The following TIMP3 variants were observed in gnomAD, a reference collection of about 807,000 sequenced individuals.
TIMP3 encodes the protein TIMP metallopeptidase inhibitor 3.
Under a neutral mutation model 30.0 loss-of-function variants are expected in TIMP3, and 11 were observed. The observed-to-expected ratio is 0.37, with a 90% CI of 0.23 to 0.61. The LOEUF (loss-of-function observed/expected upper bound fraction) is 0.61. TIMP3 is among the 20% of genes least tolerant of loss of function. TIMP3 has a pLI of 0.70. For missense variants in TIMP3, 181 were observed against 276.8 expected, an observed-to-expected ratio of 0.65 and a Z score of 2.45; for synonymous variants, 112 against 111.3, an observed-to-expected ratio of 1.01 and a Z score of -0.04.
chr22:32,841,990 G>A (rs112558568), intron 1 of TIMP3, among the ~76,000 whole-genome samples: 6 of 152,254 alleles, frequency 3.9e-5, no homozygotes, highest in African/African-American at 7.2e-5. Flanking sequence ...CTCGATGACC[G>A]GACTGAGCAC....
At chr22:32,824,122 C>CA (rs2047334770) in intron 1 of TIMP3, among the ~76,000 whole-genome samples, 1 of 151,856 alleles carries the variant, frequency 6.6e-6, no homozygotes, top group Non-Finnish European at 1.5e-5. Context: ...ACTAAAAATA[C>CA]AAAAAATTAA....
chr22:32,823,843 C>G (rs1161890047), intron 1 of TIMP3, among the ~76,000 whole-genome samples: 1 of 152,082 alleles, frequency 6.6e-6, no homozygotes, highest in Non-Finnish European at 1.5e-5. Flanking sequence ...ATGTCCACTC[C>G]TATAAGATGG....
intron 1 of TIMP3, among the ~76,000 whole-genome samples, chr22:32,802,382 C>T (rs558400332): frequency 8.2e-4 from 125 of 152,236 alleles, no homozygotes; most frequent in African/African-American, 2.8e-3. Context: ...CGTGAGGTTC[C>T]TACCGGTCCT....
At chr22:32,823,136 C>G (rs2047301075) in intron 1 of TIMP3, among the ~76,000 whole-genome samples, 1 of 152,194 alleles carries the variant, frequency 6.6e-6, no homozygotes, top group Non-Finnish European at 1.5e-5. Flanking sequence ...GGTGGGAAAG[C>G]AAGGACTCAA....
intron 2 of TIMP3, 27 bp downstream of exon 2, chr22:32,849,561 G>T: frequency 6.2e-7 from 1 of 1,604,980 alleles, no homozygotes; most frequent in South Asian, 1.1e-5. Context: ...CCCTGGCTCC[G>T]GGAAGGTTTT....
At chr22:32,814,767 G>A (rs1324302600) in intron 1 of TIMP3, among the ~76,000 whole-genome samples, 1 of 152,030 alleles carries the variant, frequency 6.6e-6, no homozygotes, top group Non-Finnish European at 1.5e-5. Flanking sequence ...TTCTTACTGG[G>A]TGGCTCACAA....
chr22:32,849,498 CT>C lies in TIMP3; in HGVS notation c.170del (p.Phe57SerfsTer11). On this transcript the variant is annotated frameshift_variant, in exon 2 of 5. Coordinates refer to ENST00000266085, the MANE Select transcript of TIMP3 (RefSeq NM_000362.5). LOFTEE classifies it high-confidence loss of function. ...GGAAGAAGCTGGTAAAGGAGGGGCCCTTCGGCACGCTGGTCTACACCATCAA... is the reference window on the plus strand; with the variant it reads ...GGAAGAAGCTGGTAAAGGAGGGGCCCTCGGCACGCTGGTCTACACCATCAA... ...VGKKLVKEGP[F>X]GTLVYTIKQM... The C allele has an allele frequency of 6.2e-7, 1 of 1,613,714 alleles. No individual in the cohort carries two copies. Among genetic ancestry groups the C allele is most frequent in the Non-Finnish European group, 8.5e-7 (1 of 1,179,876 alleles).
rs936909080 is a variant in TIMP3 at position 32,859,473 on chromosome 22, G to A, written c.*96G>A. On this transcript the variant is annotated 3_prime_UTR_variant, in exon 5 of 5. Transcript: ENST00000266085. ...GATGATGACAATGAAATTAGTGCCT[G>A]TTTTCTTGCAAATTTAGCACTTGGA... 2.1e-6 allele frequency: 3 copies of A among 1,431,668 alleles called. No homozygotes were observed. Among genetic ancestry groups the A allele is most frequent in the Non-Finnish European group, 2.8e-6 (3 of 1,062,518 alleles). 88.7% of individuals were successfully genotyped at this position (1,431,668 alleles called of 1,614,324 possible).
At chr22:32,818,635 G>A (rs879316189) in intron 1 of TIMP3, among the ~76,000 whole-genome samples, 1 of 152,188 alleles carries the variant, frequency 6.6e-6, no homozygotes, top group Non-Finnish European at 1.5e-5. Flanking sequence ...TTGCTCCCAG[G>A]GCTGGGTGTT....
chr22:32,815,178 T>G (rs558513601), intron 1 of TIMP3, among the ~76,000 whole-genome samples: 2 of 152,234 alleles, frequency 1.3e-5, no homozygotes, highest in Non-Finnish European at 2.9e-5. Context: ...TTTCATGAAC[T>G]GTGCACAGGG....
Position 32,841,344 on chromosome 22 carries a change from C to T in TIMP3, c.122-8108C>T, listed in dbSNP as rs558079155. Among the ~76,000 whole-genome samples the T allele has an allele frequency of 1.3e-4, 20 of 152,184 alleles. No homozygotes were observed. The East Asian group carries it at 2.7e-3, about 21-fold the overall frequency. ...CACAGTGTCAGGGGCCAAGGGATTG[C>T]GAGGAGGGGGAGGAATGTGCATGGA... is the stretch of plus-strand genomic sequence containing the variant. On this transcript the variant is annotated intron_variant, in intron 1 of 4. Coordinates refer to ENST00000266085, the MANE Select transcript of TIMP3 (RefSeq NM_000362.5).
In TIMP3 at chr22:32,862,091, G is replaced by T. The variant is rs932602949; in HGVS notation, c.*2714G>T. 1 of 152,520 alleles carries T rather than the reference G, an allele frequency of 6.6e-6. No homozygotes were observed. Among genetic ancestry groups the T allele is most frequent in the Admixed American group, 6.5e-5 (1 of 15,276 alleles). 9.4% of individuals were successfully genotyped at this position (152,520 alleles called of 1,614,324 possible). Reference sequence around the variant, plus strand: ...CCTATTGGAATCCCAATGGCTCCTGGAGTAGGAAAAAAGTTTAAACTACAT... The same window carrying T: ...CCTATTGGAATCCCAATGGCTCCTGTAGTAGGAAAAAAGTTTAAACTACAT... On this transcript the variant is annotated 3_prime_UTR_variant, in exon 5 of 5. Coordinates refer to ENST00000266085, the MANE Select transcript of TIMP3 (RefSeq NM_000362.5).
intron 1 of TIMP3, among the ~76,000 whole-genome samples, chr22:32,839,019 T>G (rs1176007588): frequency 6.6e-6 from 1 of 151,550 alleles, no homozygotes; most frequent in Non-Finnish European, 1.5e-5. Flanking sequence ...GAAGGCTTCC[T>G]GGAGGAGGTA....
chr22:32,857,994 TG>T (rs2048419759), intron 3 of TIMP3, 22 bp from the exon 4 acceptor site: 5 of 1,614,066 alleles, frequency 3.1e-6, no homozygotes, highest in Non-Finnish European at 4.2e-6. Context: ...AACCTCTCCT[TG>T]TTTTCTTCTT....
intron 1 of TIMP3, among the ~76,000 whole-genome samples, chr22:32,817,412 G>C (rs1258861624): frequency 6.6e-6 from 1 of 152,142 alleles, no homozygotes; most frequent in Non-Finnish European, 1.5e-5. Flanking sequence ...AAATGCAGTT[G>C]GTGAGACACT....
At chr22:32,844,687 A>G (rs1452283387) in intron 1 of TIMP3, among the ~76,000 whole-genome samples, 2 of 150,794 alleles carry the variant, frequency 1.3e-5, no homozygotes, top group East Asian at 1.9e-4. Flanking sequence ...TCCTTAATCA[A>G]TCTCTTCCTT....
At chr22:32,840,358 C>A (rs939251495) in intron 1 of TIMP3, among the ~76,000 whole-genome samples, 4 of 152,046 alleles carry the variant, frequency 2.6e-5, no homozygotes, top group African/African-American at 9.7e-5. Flanking sequence ...CTGGCCTTGG[C>A]GTTGACATCA....
At chr22:32,802,699 G>A (rs1261015797) in intron 1 of TIMP3, among the ~76,000 whole-genome samples, 1 of 152,152 alleles carries the variant, frequency 6.6e-6, no homozygotes, top group Non-Finnish European at 1.5e-5. Context: ...GTGGATTTAA[G>A]GGGGAAAATG....
chr22:32,812,624 G>A (rs1317311507), intron 1 of TIMP3, among the ~76,000 whole-genome samples: 4 of 152,220 alleles, frequency 2.6e-5, no homozygotes, highest in Non-Finnish European at 4.4e-5. Context: ...TACCTGAGCA[G>A]TGCCTCACTC....
Sources: gnomAD v4.1 joint callset for allele counts (sites outside exome capture counted in the v4.1 genomes callset) on GRCh38, gnomAD v4.1.1 for gene constraint, MANE v1.5 for transcripts, NCBI Gene and HGNC (gene_info 2026-07-23, HGNC 2026-07-21) for gene names.